Variants in ZEB1 observed in about 807,000 individuals in gnomAD.
ZEB1 encodes zinc finger E-box binding homeobox 1, also known as zinc finger E-box-binding homeobox 1.
Under a neutral mutation model 84.9 loss-of-function variants are expected in ZEB1, and 21 were observed. That is an observed-to-expected ratio of 0.25 (90% confidence interval 0.18 to 0.36). The LOEUF is 0.36. Ranked by LOEUF, ZEB1 falls within the 10% of genes least tolerant of loss-of-function variation. The pLI is 1.00. For synonymous variants in ZEB1, 420 were observed against 471.1 expected, an observed-to-expected ratio of 0.89 and a Z score of 1.41; for missense variants, 1,104 against 1,330.2, an observed-to-expected ratio of 0.83 and a Z score of 2.65.
intron 1 of ZEB1, among the ~76,000 whole-genome samples, chr10:31,413,548 G>T (rs1293155953): frequency 1.3e-5 from 2 of 152,012 alleles, no homozygotes; most frequent in Admixed American, 6.6e-5. Context: ...ATTGGACAAA[G>T]GAACTGAACA....
intron 1 of ZEB1, among the ~76,000 whole-genome samples, chr10:31,382,638 A>G (rs974009014): frequency 9.9e-5 from 15 of 152,198 alleles, no homozygotes; most frequent in Non-Finnish European, 1.9e-4. Flanking sequence ...AACAGAGAGA[A>G]TACCTTTACA....
chr10:31,520,908 G>A lies in ZEB1; in HGVS notation c.1576G>A (p.Gly526Arg). The A allele has an allele frequency of 6.2e-7, 1 of 1,614,108 alleles. No individual in the cohort carries two copies. The highest frequency in any genetic ancestry group is 8.5e-7 in the Non-Finnish European group (1 of 1,180,012). The change falls in exon 7 of 9, where the codon GGG (glycine) becomes AGG (arginine). Residue 526 changes from glycine to arginine, a missense_variant. This residue lies in a region of ZEB1 where 531 missense variants were observed against 575.2 expected (regional missense o/e 0.92). Coordinates refer to ENST00000424869, the MANE Select transcript of ZEB1 (RefSeq NM_001174096.2). The surrounding 1 kb of genome is among the most constrained non-coding windows in gnomAD (Gnocchi z 5.1). Reference protein sequence around the residue: ...KSEKDKSFEGGVNDSTCLLCD... With the variant: ...KSEKDKSFEGRVNDSTCLLCD... Reference sequence around the variant, plus strand: ...TGAGAAGGACAAAAGCTTTGAAGGGGGGGTGAATGATAGCACTTGTCTTCT... The same window carrying A: ...TGAGAAGGACAAAAGCTTTGAAGGGAGGGTGAATGATAGCACTTGTCTTCT...
chr10:31,517,692 G>C (rs930975230), intron 6 of ZEB1, among the ~76,000 whole-genome samples: 4 of 151,992 alleles, frequency 2.6e-5, no homozygotes, highest in African/African-American at 9.7e-5. Flanking sequence ...AGTGACTTTG[G>C]CTTTAGAATA....
chr10:31,382,792 A>G (rs1000158331), intron 1 of ZEB1, among the ~76,000 whole-genome samples: 2 of 152,156 alleles, frequency 1.3e-5, no homozygotes, highest in Admixed American at 6.5e-5. Context: ...GATAATAGGT[A>G]TAAGTTATAT....
chr10:31,476,394 C>T (rs1228323088), intron 2 of ZEB1, among the ~76,000 whole-genome samples: 2 of 151,780 alleles, frequency 1.3e-5, no homozygotes, highest in Non-Finnish European at 2.9e-5. Flanking sequence ...ACACAACTTC[C>T]TGAGATTGAA....
At chr10:31,323,814 A>G (rs1437671458) in intron 1 of ZEB1, among the ~76,000 whole-genome samples, 1 of 151,964 alleles carries the variant, frequency 6.6e-6, no homozygotes, top group Admixed American at 6.5e-5. Flanking sequence ...AGAAGTATTT[A>G]TTTCCTTAAT....
intron 1 of ZEB1, among the ~76,000 whole-genome samples, chr10:31,447,003 T>G (rs551417508): frequency 2.6e-5 from 4 of 151,374 alleles, no homozygotes; most frequent in South Asian, 4.2e-4. Flanking sequence ...TGTCTAATGT[T>G]GACAGTGGGG....
At chr10:31,444,145 G>T (rs572910443) in intron 1 of ZEB1, among the ~76,000 whole-genome samples, 8 of 150,520 alleles carry the variant, frequency 5.3e-5, no homozygotes, top group Non-Finnish European at 1.2e-4. Flanking sequence ...GTTTTGATTT[G>T]CATTTCTCTG....
chr10:31,463,578 C>A (rs1246620283), intron 2 of ZEB1, among the ~76,000 whole-genome samples: 2 of 152,104 alleles, frequency 1.3e-5, no homozygotes, highest in East Asian at 3.8e-4. Flanking sequence ...TGAGGATGAA[C>A]TAAAAGCAAA....
chr10:31,404,701 A>C (rs1010655692), intron 1 of ZEB1, among the ~76,000 whole-genome samples: 1 of 152,110 alleles, frequency 6.6e-6, no homozygotes, highest in African/African-American at 2.4e-5. Flanking sequence ...TGTGGGTTGG[A>C]TCTTGCCTTT....
At chr10:31,356,352 G>GTATATA (rs3057777) in intron 1 of ZEB1, among the ~76,000 whole-genome samples, 4,250 of 147,010 alleles carry the variant, frequency 0.029, 187 homozygotes, top group African/African-American at 0.097. Context: ...TATATGATGT[G>GTATATA]TATATATATA....
intron 1 of ZEB1, 31 bp downstream of exon 1, chr10:31,319,323 G>A (rs774705209): frequency 1.3e-6 from 2 of 1,595,910 alleles, no homozygotes; most frequent in East Asian, 2.3e-5. Flanking sequence ...GGGAGCGGCG[G>A]AGTCAGGGGG....
chr10:31,490,062 A>G (rs934818417), intron 2 of ZEB1, among the ~76,000 whole-genome samples: 1 of 151,474 alleles, frequency 6.6e-6, no homozygotes, highest in South Asian at 2.1e-4. Flanking sequence ...TCTGTAGTCC[A>G]TTGATCCCCT....
At chr10:31,417,799 TAA>T (rs200237778) in intron 1 of ZEB1, among the ~76,000 whole-genome samples, 7 of 147,558 alleles carry the variant, frequency 4.7e-5, no homozygotes, top group African/African-American at 1.7e-4. Context: ...CTTGATTCAG[TAA>T]AAAAAAAAAT....
chr10:31,327,237 A>G (rs886758866), intron 1 of ZEB1, among the ~76,000 whole-genome samples: 7 of 150,780 alleles, frequency 4.6e-5, no homozygotes, highest in African/African-American at 1.5e-4. Flanking sequence ...CAGCCTCCCA[A>G]GTAGCTGGGA....
intron 1 of ZEB1, among the ~76,000 whole-genome samples, chr10:31,433,785 A>G (rs1428657249): frequency 6.6e-6 from 1 of 152,238 alleles, no homozygotes; most frequent in Non-Finnish European, 1.5e-5. Context: ...CTACAAGGAT[A>G]TAGTTTGCTG....
intron 4 of ZEB1, among the ~76,000 whole-genome samples, chr10:31,505,737 T>C (rs1054230144): frequency 3.9e-5 from 6 of 152,018 alleles, no homozygotes; most frequent in African/African-American, 7.2e-5. Context: ...TTTTTAGTCT[T>C]CATTTCATTG....
intron 2 of ZEB1, among the ~76,000 whole-genome samples, chr10:31,462,708 A>G (rs974344260): frequency 6.6e-6 from 1 of 152,226 alleles, no homozygotes; most frequent in African/African-American, 2.4e-5. Context: ...TACTATGTCA[A>G]GGAATTTGAA....
chr10:31,338,306 A>G (rs1163991379), intron 1 of ZEB1, among the ~76,000 whole-genome samples: 1 of 152,202 alleles, frequency 6.6e-6, no homozygotes, highest in African/African-American at 2.4e-5. Context: ...TATCGTTAAA[A>G]TATTAATTTA....
Sources: gnomAD v4.1 joint callset for allele counts (sites outside exome capture counted in the v4.1 genomes callset) on GRCh38, gnomAD v4.1.1 for gene constraint, gnomAD v4.1.1 regional missense constraint, Gnocchi (gnomAD v3.1) non-coding constraint, MANE v1.5 for transcripts, NCBI Gene and HGNC (gene_info 2026-07-23, HGNC 2026-07-21) for gene names.